Variants in SMU1 observed in about 807,000 individuals in gnomAD.
The protein encoded by SMU1 is SMU1 DNA replication regulator and spliceosomal factor, also known as WD40 repeat-containing protein SMU1.
In SMU1, 2 loss-of-function variants were observed where a neutral mutation model predicts 62.0. That is an observed-to-expected ratio of 0.03 (90% CI 0.01 to 0.10). The LOEUF is 0.10. Ranked by LOEUF, SMU1 falls within the 10% of genes least tolerant of loss-of-function variation. The probability of loss-of-function intolerance (pLI) is 1.00; values close to 1 mark genes in which losing one functional copy is unlikely to be tolerated. For missense variants in SMU1, 227 were observed against 622.1 expected, an observed-to-expected ratio of 0.36 and a Z score of 6.76; for synonymous variants, 188 against 212.4, an observed-to-expected ratio of 0.89 and a Z score of 1.00.
intron 10 of SMU1, among the ~76,000 whole-genome samples, chr9:33,050,829 A>G (rs1285576489): frequency 7.8e-6 from 1 of 128,438 alleles, no homozygotes; most frequent in Non-Finnish European, 1.8e-5. Flanking sequence ...CCATCTCAAA[A>G]AAAAAAATAA....
At chr9:33,058,683 G>A (rs1459623920) in intron 6 of SMU1, among the ~76,000 whole-genome samples, 1 of 151,936 alleles carries the variant, frequency 6.6e-6, no homozygotes, top group Non-Finnish European at 1.5e-5. Context: ...AACCAACTTG[G>A]ATCTATACCA....
At chr9:33,071,964 A>G in intron 2 of SMU1, 72 bp from the exon 3 acceptor site, 1 of 1,423,710 alleles carries the variant, frequency 7.0e-7, no homozygotes, top group East Asian at 2.5e-5. Flanking sequence ...TTTTTCGGTA[A>G]AATATCTAAC....
intron 1 of SMU1, among the ~76,000 whole-genome samples, chr9:33,075,611 T>A (rs1443683182): frequency 6.6e-6 from 1 of 152,158 alleles, no homozygotes; most frequent in African/African-American, 2.4e-5. Context: ...CAAACAGAAA[T>A]GAATACATAA....
chr9:33,044,605 G>GT lies in SMU1; in HGVS notation c.*2687dup, dbSNP rs1304837797. 6.6e-6 allele frequency: 1 copy of GT among 152,290 alleles called. No individual in the cohort carries two copies. Among genetic ancestry groups the GT allele is most frequent in the Non-Finnish European group, 1.5e-5 (1 of 68,076 alleles). 9.4% of individuals were successfully genotyped at this position (152,290 alleles called of 1,614,324 possible). A position where few individuals can be genotyped will look rare whatever the true frequency, so the allele number is the denominator to read the frequency against. ...TCAGAAAGGCTAGGCGCCGAGGAGT[G>GT]TAAGCAGCGTGTGCCCATTTAAAGA... On this transcript the variant is annotated 3_prime_UTR_variant, in exon 12 of 12. Transcript: ENST00000397149.
Position 33,043,499 on chromosome 9 carries a change from GAC to G in SMU1, c.*3792_*3793del, listed in dbSNP as rs377283591. On this transcript the variant is annotated 3_prime_UTR_variant, in exon 12 of 12. Transcript: ENST00000397149. ...GGACCTTAGAATGTGTCTATCACGT[GAC>G]ACTTGTAAGAACCACTGTTCTAGCA... The G allele has an allele frequency of 1.1e-4, 17 of 152,338 alleles. No homozygotes were observed. Among genetic ancestry groups the G allele is most frequent in the African/African-American group, 4.1e-4 (17 of 41,566 alleles). The allele number at this position is 152,338 out of a possible 1,614,324, so 9.4% of individuals were successfully genotyped here. A position where few individuals can be genotyped will look rare whatever the true frequency, so the allele number is the denominator to read the frequency against.
At chr9:33,074,898 C>T (rs888094307) in intron 1 of SMU1, among the ~76,000 whole-genome samples, 1 of 151,904 alleles carries the variant, frequency 6.6e-6, no homozygotes, top group Non-Finnish European at 1.5e-5. Context: ...CTCAGCCTCC[C>T]GAGTAGCTGA....
At chr9:33,067,451 C>G (rs1053028105) in intron 4 of SMU1, among the ~76,000 whole-genome samples, 1 of 151,042 alleles carries the variant, frequency 6.6e-6, no homozygotes, top group African/African-American at 2.4e-5. Context: ...ACTACTTAAA[C>G]GATGCACTGC....
At position 33,045,580 on chromosome 9, in the gene SMU1, C is replaced by G. The variant is rs981692759; in HGVS notation, c.*1713G>C. 5 of 152,440 alleles carry G rather than the reference C, an allele frequency of 3.3e-5. No individual in the cohort carries two copies. Among genetic ancestry groups the G allele is most frequent in the Non-Finnish European group, 7.3e-5 (5 of 68,218 alleles). The allele number at this position is 152,440 out of a possible 1,614,324, so 9.4% of individuals were successfully genotyped here. A position where few individuals can be genotyped will look rare whatever the true frequency, so the allele number is the denominator to read the frequency against. Reference sequence around the variant, plus strand: ...AATTACAAGGCTGGGCGCAGTGGCTCATGCCTGTAATCCCAGCACTTTGGG... The same window carrying G: ...AATTACAAGGCTGGGCGCAGTGGCTGATGCCTGTAATCCCAGCACTTTGGG... On this transcript the variant is annotated 3_prime_UTR_variant, in exon 12 of 12. Coordinates refer to ENST00000397149, the MANE Select transcript of SMU1 (RefSeq NM_018225.3).
Position 33,042,240 on chromosome 9 carries a change from A to G in SMU1, c.*5053T>C, listed in dbSNP as rs2119407070. The G allele has an allele frequency of 6.5e-6, 1 of 152,992 alleles. No individual in the cohort carries two copies. Among genetic ancestry groups the G allele is most frequent in the Non-Finnish European group, 1.5e-5 (1 of 68,096 alleles). 9.5% of individuals were successfully genotyped at this position (152,992 alleles called of 1,614,324 possible). A position where few individuals can be genotyped will look rare whatever the true frequency, so the allele number is the denominator to read the frequency against. ...CAGAAACTGATAGGTTTGTCTGTGT[A>G]GTTTTTCAGCTTGTATTATTACTAC... On this transcript the variant is annotated 3_prime_UTR_variant, in exon 12 of 12. Transcript: ENST00000397149.
Position 33,048,261 on chromosome 9 carries a change from A to G in SMU1, c.1291-3T>C. The G allele has an allele frequency of 1.2e-6, 2 of 1,614,130 alleles. No individual in the cohort carries two copies. The highest frequency in any genetic ancestry group is 1.7e-6 in the Non-Finnish European group (2 of 1,180,012). On this transcript the variant is annotated splice_polypyrimidine_tract_variant and splice_region_variant and intron_variant, in intron 10 of 11. Transcript: ENST00000397149. ...CCAGAACTGAAGCTTCTGACAATCT[A>G]GATCACACCACACCCCAAGAAAAAA...
In SMU1 at chr9:33,045,449, G is replaced by A. The variant is rs1274682879; in HGVS notation, c.*1844C>T. 2 of 152,248 alleles carry A rather than the reference G, an allele frequency of 1.3e-5. No individual in the cohort carries two copies. Among genetic ancestry groups the A allele is most frequent in the African/African-American group, 4.8e-5 (2 of 41,464 alleles). The allele number at this position is 152,248 out of a possible 1,614,324, so 9.4% of individuals were successfully genotyped here. On this transcript the variant is annotated 3_prime_UTR_variant, in exon 12 of 12. Transcript: ENST00000397149. Reference sequence around the variant, plus strand: ...GAAATGTGTTATAGAATATGACTGGGAAAGAGGGATTTCTTAGTGCTGCCC... The same window carrying A: ...GAAATGTGTTATAGAATATGACTGGAAAAGAGGGATTTCTTAGTGCTGCCC...
intron 4 of SMU1, among the ~76,000 whole-genome samples, chr9:33,064,382 GT>G (rs1203213658): frequency 6.6e-6 from 1 of 152,076 alleles, no homozygotes; most frequent in African/African-American, 2.4e-5. Context: ...ATCTCCCAGT[GT>G]TTTTCTATTA....
At chr9:33,066,870 T>A (rs1467998560) in intron 4 of SMU1, among the ~76,000 whole-genome samples, 1 of 151,604 alleles carries the variant, frequency 6.6e-6, no homozygotes, top group African/African-American at 2.4e-5. Context: ...GACCCAAAAT[T>A]CCCAGTATGA....
intron 4 of SMU1, among the ~76,000 whole-genome samples, chr9:33,063,785 CCT>C (rs888633871): frequency 1.8e-4 from 28 of 152,130 alleles, no homozygotes; most frequent in African/African-American, 6.0e-4. Context: ...AACCCACCCC[CCT>C]GACACCCCCA....
chr9:33,052,304 C>T (rs1217345148), intron 10 of SMU1, among the ~76,000 whole-genome samples: 1 of 149,122 alleles, frequency 6.7e-6, no homozygotes, highest in Non-Finnish European at 1.5e-5. Flanking sequence ...ACTATTTTTG[C>T]AACTCTATGT....
intron 9 of SMU1, among the ~76,000 whole-genome samples, chr9:33,054,176 CTTT>C (rs75382780): frequency 2.1e-5 from 3 of 141,708 alleles, no homozygotes; most frequent in Admixed American, 7.1e-5. Context: ...CTTTTCTTTT[CTTT>C]TTTTTTTTTT....
chr9:33,046,872 C>G lies in SMU1; in HGVS notation c.*421G>C, dbSNP rs1587704959. The G allele has an allele frequency of 7.0e-6, 1 of 141,930 alleles. No homozygotes were observed. 8.8% of individuals were successfully genotyped at this position (141,930 alleles called of 1,614,324 possible). On this transcript the variant is annotated 3_prime_UTR_variant, in exon 12 of 12. Transcript: ENST00000397149. The stretch of plus-strand genomic sequence containing the variant: ...TCGTGCCGCTGCACTCCAGCCTGGG[C>G]AACAAGCAAAACTCCATCTCAAAAA...
At chr9:33,058,717 T>C (rs1564022000) in intron 6 of SMU1, among the ~76,000 whole-genome samples, 1 of 152,118 alleles carries the variant, frequency 6.6e-6, no homozygotes, top group African/African-American at 2.4e-5. Flanking sequence ...AAACAAATTC[T>C]TGAAGGGTCA....
intron 9 of SMU1, among the ~76,000 whole-genome samples, chr9:33,054,143 A>G (rs1839279818): frequency 1.3e-5 from 2 of 152,136 alleles, no homozygotes; most frequent in South Asian, 2.1e-4. Context: ...AAAATAAAAT[A>G]CAAACAAACA....
Sources: allele counts gnomAD v4.1 joint callset (sites outside exome capture counted in the v4.1 genomes callset), GRCh38; gene constraint gnomAD v4.1.1; transcripts MANE v1.5; gene names NCBI Gene and HGNC (gene_info 2026-07-23, HGNC 2026-07-21).